PDE1C: variants seen among roughly 807,000 people sequenced by gnomAD.
PDE1C encodes the protein dual specificity calcium/calmodulin-dependent 3',5'-cyclic nucleotide phosphodiesterase 1C.
Under a neutral mutation model 93.1 loss-of-function variants are expected in PDE1C, and 62 were observed. The ratio of observed to expected loss-of-function variants is 0.67; its 90% confidence interval spans 0.54 to 0.82. The LOEUF (loss-of-function observed/expected upper bound fraction) is 0.82. PDE1C is among the 40% of genes least tolerant of loss of function. The probability of loss-of-function intolerance (pLI) is 0.00; values close to 1 mark genes in which losing one functional copy is unlikely to be tolerated. For missense variants in PDE1C, 742 were observed against 884.6 expected (o/e 0.84, Z 2.04); for synonymous variants, 325 against 310.1 (o/e 1.05, Z -0.50).
At chr7:31,810,594 GT>G (rs978835742) in intron 15 of PDE1C, among the ~76,000 whole-genome samples, 1 of 152,048 alleles carries the variant, frequency 6.6e-6, no homozygotes, top group East Asian at 1.9e-4. Flanking sequence ...CCAAATTTAA[GT>G]TTTTTTCTTG....
rs80255891 is a variant in PDE1C, at chr7:31,841,498, T to C, written c.981-3527A>G. On this transcript the variant is annotated intron_variant, in intron 9 of 17. Coordinates refer to ENST00000396191, the MANE Select transcript of PDE1C (RefSeq NM_001191057.4). ...TCACCATTAAGCTTGATGTTAGTTA[T>C]AGGTTTTTCACACATGCACTTTATC... 9.0e-3 allele frequency among the ~76,000 whole-genome samples: 1,375 copies of C among 152,184 alleles called. 25 individuals are homozygous for C. Among genetic ancestry groups the C allele is most frequent in the East Asian group, 0.071 (366 of 5,170 alleles).
chr7:32,159,709 A>G (rs1240917631), intron 3 of PDE1C, among the ~76,000 whole-genome samples: 3 of 152,082 alleles, frequency 2.0e-5, no homozygotes, highest in Non-Finnish European at 4.4e-5. Context: ...TGACAGGGAG[A>G]AGAGAAACCA....
chr7:32,257,036 A>C (rs375424245), intron 1 of PDE1C, among the ~76,000 whole-genome samples: 9 of 152,326 alleles, frequency 5.9e-5, no homozygotes, highest in Admixed American at 3.3e-4. Flanking sequence ...TATGCCCAGC[A>C]TATTTCATGC....
the PDE1C span, among the ~76,000 whole-genome samples, chr7:31,662,795 T>C: frequency 1.3e-5 from 2 of 152,224 alleles, no homozygotes; most frequent in Non-Finnish European, 2.9e-5. Context: ...CTGCCTTGAT[T>C]CTGCCCTTTT....
chr7:31,733,867 G>T, the PDE1C span, among the ~76,000 whole-genome samples: 3 of 152,028 alleles, frequency 2.0e-5, no homozygotes, highest in Non-Finnish European at 2.9e-5. Flanking sequence ...AGCCAGGCAT[G>T]GTGGCAGGTG....
At chr7:31,704,038 T>C in the PDE1C span, among the ~76,000 whole-genome samples, 223 of 152,272 alleles carry the variant, frequency 1.5e-3, no homozygotes, top group Middle Eastern at 3.4e-3. Context: ...AGAAGTCTTA[T>C]TAGAGGTTTG....
chr7:32,171,734 T>C lies in PDE1C; in HGVS notation c.137-1778A>G, dbSNP rs370355714. ...AGGATGTGCATAAATTATATGACAA[T>C]ACTACATCATTTTATATCAGGCACT... On this transcript the variant is annotated intron_variant, in intron 2 of 18. Coordinates refer to the PDE1C transcript ENST00000396193. Among the ~76,000 whole-genome samples the C allele has an allele frequency of 7.3e-5, 11 of 149,776 alleles. 3 individuals carry two copies.
intron 2 of PDE1C, among the ~76,000 whole-genome samples, chr7:31,918,416 A>T (rs1300399595): frequency 1.3e-5 from 2 of 152,220 alleles, no homozygotes; most frequent in South Asian, 2.1e-4. Flanking sequence ...CTGTAACCCC[A>T]CGAAGACCCA....
chr7:32,154,233 T>G (rs1379202922), intron 3 of PDE1C, among the ~76,000 whole-genome samples: 1 of 152,182 alleles, frequency 6.6e-6, no homozygotes, highest in African/African-American at 2.4e-5. Context: ...CACTCCACCC[T>G]GGGTGACAGA....
At chr7:31,684,223 C>T in the PDE1C span, among the ~76,000 whole-genome samples, 1 of 152,134 alleles carries the variant, frequency 6.6e-6, no homozygotes, top group South Asian at 2.1e-4. Context: ...GAGTAGTAGA[C>T]ATGTCTATTC....
chr7:32,237,709 A>G (rs1808210358), intron 1 of PDE1C, among the ~76,000 whole-genome samples: 1 of 147,460 alleles, frequency 6.8e-6, no homozygotes, highest in African/African-American at 2.5e-5. Flanking sequence ...CAATAATGAA[A>G]TAAGGATAGC....
At chr7:31,947,164 G>A (rs981052168) in intron 2 of PDE1C, among the ~76,000 whole-genome samples, 4 of 152,046 alleles carry the variant, frequency 2.6e-5, no homozygotes, top group African/African-American at 9.7e-5. Flanking sequence ...GAGCCGTGTT[G>A]GTGTGATAAT....
At position 32,385,633 on chromosome 7, in the gene PDE1C, AG is replaced by A. The variant is rs552640639; in HGVS notation, c.310+42188del. On this transcript the variant is annotated intron_variant, in intron 1 of 1. Coordinates refer to the PDE1C transcript ENST00000672256. ...CCCAGTCTCCTTTACAGTGCATTTG[AG>A]GAAAGAAAACAAGAGGACATTATGG... Among the ~76,000 whole-genome samples, 67 of 152,234 alleles carry A rather than the reference AG, an allele frequency of 4.4e-4. 1 individual carries two copies. The highest frequency in any genetic ancestry group is 3.4e-3 in the Middle Eastern group (1 of 294).
chr7:31,770,669 C>T (rs549871569), intron 17 of PDE1C, among the ~76,000 whole-genome samples: 20 of 152,246 alleles, frequency 1.3e-4, no homozygotes, highest in Non-Finnish European at 2.5e-4. Flanking sequence ...CATCACCATG[C>T]CCGGCTAATT....
chr7:32,096,813 G>GTATAGAAAGATA (rs1563309613), intron 3 of PDE1C, among the ~76,000 whole-genome samples: 1 of 85,770 alleles, frequency 1.2e-5, no homozygotes, highest in Non-Finnish European at 2.3e-5. Flanking sequence ...AACCAGTAGG[G>GTATAGAAAGATA]GATAGAAAGA....
chr7:32,168,178 T>C (rs1802422644), intron 3 of PDE1C, among the ~76,000 whole-genome samples: 1 of 152,238 alleles, frequency 6.6e-6, no homozygotes, highest in African/African-American at 2.4e-5. Flanking sequence ...CTGCTGTCTT[T>C]TTCCTACAGC....
At chr7:32,198,695 A>T (rs1411643184) in intron 2 of PDE1C, among the ~76,000 whole-genome samples, 2 of 152,170 alleles carry the variant, frequency 1.3e-5, no homozygotes, top group Admixed American at 6.5e-5. Flanking sequence ...GTTTCCAGAA[A>T]CTTTTCTTTG....
intron 3 of PDE1C, among the ~76,000 whole-genome samples, chr7:32,128,014 T>C (rs1299780393): frequency 6.6e-6 from 1 of 151,894 alleles, no homozygotes; most frequent in Non-Finnish European, 1.5e-5. Context: ...TATACTAATG[T>C]AGGACAAATC....
chr7:31,659,499 G>C, the PDE1C span, among the ~76,000 whole-genome samples: 5 of 152,278 alleles, frequency 3.3e-5, no homozygotes, highest in South Asian at 2.1e-4. Context: ...CCCAGTGGAG[G>C]CTTCAGGGCC....
Sources: allele counts gnomAD v4.1 joint callset (sites outside exome capture counted in the v4.1 genomes callset), GRCh38; gene constraint gnomAD v4.1.1; transcripts MANE v1.5; gene names NCBI Gene and HGNC (gene_info 2026-07-23, HGNC 2026-07-21).